The following DLG1 variants were observed in gnomAD, a reference collection of about 807,000 sequenced individuals.
DLG1 encodes the protein discs large MAGUK scaffold protein 1.
A neutral mutation model predicts 123.4 loss-of-function variants in DLG1; 42 were observed. That is an observed-to-expected ratio of 0.34 (90% CI 0.27 to 0.44). The LOEUF is 0.44. Among genes scored for constraint, DLG1 ranks in the 20% least tolerant of loss-of-function variants. The probability of loss-of-function intolerance (pLI) is 1.00; values close to 1 mark genes in which losing one functional copy is unlikely to be tolerated. For missense variants in DLG1, 942 were observed against 1,082.6 expected (o/e 0.87, Z 1.82); for synonymous variants, 317 against 356.2 (o/e 0.89, Z 1.24).
At chr3:197,051,483 T>C (rs1378057024) in intron 24 of DLG1, 94 bp downstream of exon 24, 6 of 921,946 alleles carry the variant, frequency 6.5e-6, no homozygotes, top group Non-Finnish European at 1.1e-5. Context: ...CGGGTAGATG[T>C]AGGCATAGTT....
intron 11 of DLG1, among the ~76,000 whole-genome samples, chr3:197,129,494 A>G (rs993930097): frequency 1.3e-5 from 2 of 152,226 alleles, no homozygotes; most frequent in Non-Finnish European, 2.9e-5. Context: ...AACTTTGTCC[A>G]CAACAGCAAT....
intron 16 of DLG1, among the ~76,000 whole-genome samples, chr3:197,082,584 T>C (rs975838124): frequency 6.6e-5 from 10 of 152,312 alleles, no homozygotes; most frequent in East Asian, 1.9e-4. Flanking sequence ...TTGTCTATAT[T>C]TGTAAATATT....
At chr3:197,230,183 GA>G (rs1742188980) in intron 4 of DLG1, among the ~76,000 whole-genome samples, 1 of 151,892 alleles carries the variant, frequency 6.6e-6, no homozygotes, top group Admixed American at 6.5e-5. Flanking sequence ...AAAATAGAGG[GA>G]AAAAAAGATG....
chr3:197,197,794 T>C (rs978780415), intron 4 of DLG1, among the ~76,000 whole-genome samples: 3 of 152,186 alleles, frequency 2.0e-5, no homozygotes, highest in Admixed American at 1.3e-4. Flanking sequence ...GGAATAAATA[T>C]AGATATATAG....
intron 4 of DLG1, among the ~76,000 whole-genome samples, chr3:197,214,465 C>T (rs1337874552): frequency 1.3e-5 from 2 of 151,694 alleles, no homozygotes; most frequent in Non-Finnish European, 2.9e-5. Flanking sequence ...CCCAGCTACT[C>T]GGGAGGCTGA....
intron 12 of DLG1, among the ~76,000 whole-genome samples, chr3:197,118,370 C>G (rs1049608122): frequency 6.6e-6 from 1 of 152,126 alleles, no homozygotes. Flanking sequence ...ATTCCCATCA[C>G]AAACAAATAA....
At chr3:197,145,231 T>G (rs1215648698) in intron 6 of DLG1, among the ~76,000 whole-genome samples, 1 of 152,208 alleles carries the variant, frequency 6.6e-6, no homozygotes, top group Admixed American at 6.5e-5. Context: ...CCCTTTCTTA[T>G]TCTAAAGGTT....
chr3:197,122,611 A>T (rs1213829027), intron 11 of DLG1, among the ~76,000 whole-genome samples: 3 of 152,152 alleles, frequency 2.0e-5, no homozygotes, highest in African/African-American at 7.2e-5. Flanking sequence ...CTAAGCAATT[A>T]ATATACAAAA....
intron 4 of DLG1, among the ~76,000 whole-genome samples, chr3:197,236,168 C>T (rs1221870707): frequency 2.0e-5 from 3 of 152,080 alleles, no homozygotes; most frequent in South Asian, 2.1e-4. Flanking sequence ...AAAAAATCAG[C>T]TGGGTGTGGT....
chr3:197,241,507 C>T (rs1748832496), intron 4 of DLG1, among the ~76,000 whole-genome samples: 1 of 151,842 alleles, frequency 6.6e-6, no homozygotes, highest in Admixed American at 6.6e-5. Context: ...TATGTATACA[C>T]AAAAAACCCA....
At chr3:197,264,067 ATTAC>A (rs1290363559) in intron 4 of DLG1, among the ~76,000 whole-genome samples, 1 of 152,248 alleles carries the variant, frequency 6.6e-6, no homozygotes, top group African/African-American at 2.4e-5. Flanking sequence ...TTAACATATA[ATTAC>A]TTAACAACAC....
chr3:197,283,953 C>T (rs890301288), intron 3 of DLG1, among the ~76,000 whole-genome samples: 2 of 150,278 alleles, frequency 1.3e-5, no homozygotes, highest in Non-Finnish European at 2.9e-5. Flanking sequence ...CCTCCACCTC[C>T]TGGGTTCATG....
intron 3 of DLG1, chr3:197,294,030 T>C (rs183297691): frequency 6.6e-6 from 1 of 152,488 alleles, no homozygotes; most frequent in East Asian, 2.0e-4. Flanking sequence ...TTTATGACAC[T>C]GTTTCAAAAC....
rs552249866 is a variant in DLG1 at position 197,088,877 on chromosome 3, T to G, written c.1661+2035A>C. ...AAGGAGGCAGCTCATAGGGTACCAC[T>G]CGACTGAGTCATGACAGCTATTGCA... On this transcript the variant is annotated intron_variant, in intron 15 of 24. Coordinates refer to ENST00000667157, the MANE Select transcript of DLG1 (RefSeq NM_001366207.1). Among the ~76,000 whole-genome samples the G allele has an allele frequency of 5.3e-5, 8 of 152,338 alleles. No homozygotes were observed. In the South Asian group the frequency reaches 1.7e-3, roughly 32 times the overall value.
chr3:197,097,487 A>G lies in DLG1; in HGVS notation c.1547-6461T>C, dbSNP rs187176574. 3.4e-3 allele frequency among the ~76,000 whole-genome samples: 523 copies of G among 151,966 alleles called. 5 individuals carry two copies. Among genetic ancestry groups the G allele is most frequent in the Middle Eastern group, 6.8e-3 (2 of 292 alleles). ...TTGTCTAGTTTTATTGTAGATTTTT[A>G]ACAAATTTTGGTTTGGCTTTCCTAA... On this transcript the variant is annotated intron_variant, in intron 14 of 24. Transcript: ENST00000667157.
intron 14 of DLG1, among the ~76,000 whole-genome samples, chr3:197,101,371 T>C (rs1350060471): frequency 6.6e-6 from 1 of 151,998 alleles, no homozygotes; most frequent in Non-Finnish European, 1.5e-5. Context: ...TTTACTATTA[T>C]ATACTATCAC....
intron 5 of DLG1, among the ~76,000 whole-genome samples, chr3:197,152,559 G>A (rs1477726440): frequency 6.6e-6 from 1 of 150,848 alleles, no homozygotes. Flanking sequence ...GGTGGATCAC[G>A]AGGTCAGGAG....
chr3:197,296,642 T>TAA, intron 2 of DLG1, 165 bp from the exon 3 acceptor site: 11 of 423,650 alleles, frequency 2.6e-5, no homozygotes, highest in South Asian at 1.1e-4. Context: ...GACCAAAAAA[T>TAA]AAAAAAAAAA....
intron 19 of DLG1, among the ~76,000 whole-genome samples, chr3:197,067,558 T>TC (rs1340199695): frequency 2.5e-5 from 2 of 80,630 alleles, no homozygotes; most frequent in Admixed American, 1.5e-4. Context: ...AGAGTTTTTT[T>TC]TTTTTTTTTT....
Sources: allele counts gnomAD v4.1 joint callset (sites outside exome capture counted in the v4.1 genomes callset), GRCh38; gene constraint gnomAD v4.1.1; transcripts MANE v1.5; gene names NCBI Gene and HGNC (gene_info 2026-07-23, HGNC 2026-07-21).